The following AK7 variants were observed in gnomAD, a reference collection of about 807,000 sequenced individuals.
The protein encoded by AK7 is adenylate kinase 7.
AK7 carries 78 observed loss-of-function variants against 96.6 expected under a neutral mutation model. The observed-to-expected ratio is 0.81, with a 90% confidence interval of 0.67 to 0.97. The LOEUF (loss-of-function observed/expected upper bound fraction) is 0.97, where lower values mean the gene tolerates loss of function less well. Among genes scored for constraint, AK7 ranks in the 50% least tolerant of loss-of-function variants. AK7 has a pLI of 0.00. For synonymous variants in AK7, 302 were observed against 317.2 expected (o/e 0.95, Z 0.51); for missense variants, 855 against 887.9 (o/e 0.96, Z 0.47).
rs1232127366 is a variant in AK7, at chr14:96,488,827, T to A, written c.*484T>A. 6.9e-6 allele frequency: 1 copy of A among 145,338 alleles called. No individual in the cohort carries two copies. The highest frequency in any genetic ancestry group is 1.5e-5 in the Non-Finnish European group (1 of 65,380). The allele number at this position is 145,338 out of a possible 1,614,324, so 9.0% of individuals were successfully genotyped here. A position where few individuals can be genotyped will look rare whatever the true frequency, so the allele number is the denominator to read the frequency against. ...AAGATTGGTGCCTGTAAGGTGGCTT[T>A]TTTTTTTTTTTTTTTTAAATGAAGC... is the stretch of plus-strand genomic sequence containing the variant. On this transcript the variant is annotated 3_prime_UTR_variant, in exon 18 of 18. Transcript: ENST00000267584.
At chr14:96,426,917 A>G (rs1892058422) in intron 5 of AK7, among the ~76,000 whole-genome samples, 1 of 152,162 alleles carries the variant, frequency 6.6e-6, no homozygotes, top group African/African-American at 2.4e-5. Context: ...TCGCACTGCT[A>G]TAAAGAACTA....
intron 12 of AK7, among the ~76,000 whole-genome samples, chr14:96,458,840 G>A (rs7155672): frequency 0.87 from 127,459 of 146,822 alleles, 55,550 homozygotes; most frequent in African/African-American, 0.96. Flanking sequence ...AGCCTGGGAA[G>A]TTGAAGCTGT....
chr14:96,472,194 G>A (rs563958358), intron 13 of AK7, among the ~76,000 whole-genome samples: 10 of 152,132 alleles, frequency 6.6e-5, no homozygotes, highest in African/African-American at 1.2e-4. Context: ...TAGACCATCC[G>A]TCACCCAGGC....
rs1451528205 is a variant in AK7 at position 96,437,483 on chromosome 14, G to A, written c.610-352G>A. Among the ~76,000 whole-genome samples, 7 of 152,112 alleles carry A rather than the reference G, an allele frequency of 4.6e-5. No individual in the cohort carries two copies. In the East Asian group the frequency reaches 1.4e-3, roughly 29 times the overall value. ...GTTAAGGCCCATTACCAGCTTCTTG[G>A]TTTCAGGTACTAGATCATTAAAGAT... On this transcript the variant is annotated intron_variant, in intron 5 of 17. Transcript: ENST00000267584.
At chr14:96,408,816 C>G in intron 3 of AK7, 31 bp from the exon 4 acceptor site, 1 of 1,610,036 alleles carries the variant, frequency 6.2e-7, no homozygotes, top group South Asian at 1.1e-5. Context: ...TGCATGGGTC[C>G]AAATAACCAC....
At chr14:96,447,187 C>T (rs1454061576) in intron 8 of AK7, among the ~76,000 whole-genome samples, 4 of 152,198 alleles carry the variant, frequency 2.6e-5, no homozygotes, top group Non-Finnish European at 5.9e-5. Flanking sequence ...ACCCCAGACA[C>T]ACACGCAGAT....
intron 5 of AK7, 23 bp from the exon 6 acceptor site, chr14:96,437,812 T>C: frequency 1.3e-6 from 2 of 1,574,576 alleles, no homozygotes; most frequent in Non-Finnish European, 1.7e-6. Context: ...TCCAGCTTTT[T>C]TTTTCTGTAT....
At chr14:96,402,893 G>A (rs911816184) in intron 2 of AK7, among the ~76,000 whole-genome samples, 12 of 151,948 alleles carry the variant, frequency 7.9e-5, no homozygotes, top group African/African-American at 2.4e-4. Context: ...ACTTTGGGAG[G>A]CCAAGCGGGC....
intron 5 of AK7, among the ~76,000 whole-genome samples, chr14:96,422,203 A>G (rs888054030): frequency 3.9e-5 from 6 of 152,246 alleles, no homozygotes; most frequent in Non-Finnish European, 8.8e-5. Flanking sequence ...TAACATCTGT[A>G]TGCAGAAGTA....
At chr14:96,437,550 G>A (rs151265436) in intron 5 of AK7, among the ~76,000 whole-genome samples, 9 of 152,052 alleles carry the variant, frequency 5.9e-5, no homozygotes, top group African/African-American at 1.4e-4. Context: ...TTCCCCCTCA[G>A]TGCCGAGCAT....
chr14:96,418,764 C>T (rs994717055), intron 4 of AK7, among the ~76,000 whole-genome samples: 1 of 152,174 alleles, frequency 6.6e-6, no homozygotes, highest in African/African-American at 2.4e-5. Context: ...AGTGATCCAC[C>T]CACCTCAGCC....
intron 12 of AK7, among the ~76,000 whole-genome samples, chr14:96,467,135 G>A (rs375332432): frequency 4.9e-4 from 74 of 151,374 alleles, no homozygotes; most frequent in African/African-American, 1.7e-3. Flanking sequence ...ATTTTGGAAA[G>A]TGTATATGTA....
At chr14:96,394,278 C>T (rs1412011908) in intron 1 of AK7, among the ~76,000 whole-genome samples, 3 of 152,060 alleles carry the variant, frequency 2.0e-5, no homozygotes, top group Non-Finnish European at 4.4e-5. Context: ...CTTCCTGGGC[C>T]CACTTCATTA....
rs750838134 is a variant in AK7 at position 96,486,936 on chromosome 14, A to T, written c.2013A>T (p.Glu671Asp). 1 of 1,613,962 alleles carries T rather than the reference A, an allele frequency of 6.2e-7. No individual in the cohort carries two copies. The highest frequency in any genetic ancestry group is 8.5e-7 in the Non-Finnish European group (1 of 1,179,966). The stretch of plus-strand genomic sequence containing the variant: ...AGGAAGTGAAAAGAGAAGAAAGAGA[A>T]TTACTGGAGGCTCAGTCAATTCCCC... ...RLEEVKREER[E>D]LLEAQSIPLR... Residue 671 changes from glutamate to aspartate, a missense_variant, in exon 17 of 18, where the codon GAA (glutamate) becomes GAT (aspartate). By Grantham distance (45) the Glu-to-Asp change is conservative. Transcript: ENST00000267584.
chr14:96,408,836 T>C lies in AK7; in HGVS notation c.404-11T>C, dbSNP rs1347564243. 6.2e-7 allele frequency: 1 copy of C among 1,613,992 alleles called. No individual in the cohort carries two copies. The highest frequency in any genetic ancestry group is 2.2e-5 in the East Asian group (1 of 44,878). ...GGGTCCAAATAACCACTCTGCTTTT[T>C]GGCCCCACAGCACTCAGTGAAGAAG... On this transcript the variant is annotated splice_polypyrimidine_tract_variant and intron_variant, in intron 3 of 17. Transcript: ENST00000267584.
At chr14:96,418,894 T>C (rs9671874) in intron 4 of AK7, among the ~76,000 whole-genome samples, 31,390 of 152,166 alleles carry the variant, frequency 0.21, 3,507 homozygotes, top group East Asian at 0.5. Context: ...AAGCTTTGGA[T>C]TGGTTATTTA....
intron 12 of AK7, among the ~76,000 whole-genome samples, chr14:96,462,963 C>G (rs777340324): frequency 3.3e-5 from 5 of 152,016 alleles, no homozygotes; most frequent in Non-Finnish European, 7.4e-5. Flanking sequence ...TGGTGAAACC[C>G]TCTCTCTGCT....
intron 4 of AK7, among the ~76,000 whole-genome samples, 175 bp from the exon 5 acceptor site, chr14:96,420,647 C>T (rs982923651): frequency 6.6e-6 from 1 of 151,850 alleles, no homozygotes; most frequent in Non-Finnish European, 1.5e-5. Flanking sequence ...TTGCTTGAGC[C>T]CAAGAGTTCA....
chr14:96,469,785 G>T (rs1894783206), intron 12 of AK7, among the ~76,000 whole-genome samples: 1 of 152,076 alleles, frequency 6.6e-6, no homozygotes, highest in Non-Finnish European at 1.5e-5. Context: ...ACACTGAAAG[G>T]TAGAAGAAAG....
Sources: allele counts gnomAD v4.1 joint callset (sites outside exome capture counted in the v4.1 genomes callset), GRCh38; gene constraint gnomAD v4.1.1; transcripts MANE v1.5; gene names NCBI Gene and HGNC (gene_info 2026-07-23, HGNC 2026-07-21).